Variants in RNF216 observed in about 807,000 individuals in gnomAD.
RNF216 encodes E3 ubiquitin-protein ligase RNF216.
Under a neutral mutation model 110.8 loss-of-function variants are expected in RNF216, and 72 were observed. The ratio of observed to expected loss-of-function variants is 0.65; its 90% CI spans 0.54 to 0.79. RNF216 has a LOEUF of 0.79. Among genes scored for constraint, RNF216 ranks in the 30% least tolerant of loss-of-function variants. RNF216 has a pLI of 0.00. For synonymous variants in RNF216, 495 were observed against 407.5 expected (o/e 1.21, Z -2.59); for missense variants, 1,342 against 1,141.2 (o/e 1.18, Z -2.54).
At chr7:5,715,230 T>G in intron 10 of RNF216, 40 bp from the exon 11 acceptor site, 1 of 1,586,914 alleles carries the variant, frequency 6.3e-7, no homozygotes, top group Non-Finnish European at 8.6e-7. Flanking sequence ...TGTCCTGCAC[T>G]TAAGGAGAGG....
At chr7:5,637,047 A>G (rs535733903) in intron 15 of RNF216, among the ~76,000 whole-genome samples, 1 of 152,312 alleles carries the variant, frequency 6.6e-6, no homozygotes, top group Admixed American at 6.5e-5. Flanking sequence ...CTTTGTCTCT[A>G]GAGATGAAAT....
intron 5 of RNF216, among the ~76,000 whole-genome samples, chr7:5,738,145 G>A (rs1424016830): frequency 6.8e-6 from 1 of 146,892 alleles, no homozygotes; most frequent in Non-Finnish European, 1.5e-5. Context: ...CTGCAGATTA[G>A]AAGGAGGGGA....
chr7:5,735,930 T>C (rs1448702460), intron 5 of RNF216, among the ~76,000 whole-genome samples: 3 of 152,062 alleles, frequency 2.0e-5, no homozygotes, highest in Non-Finnish European at 4.4e-5. Context: ...CTGTCTCTAC[T>C]AAAAACACAA....
chr7:5,623,527 T>C (rs56984603), intron 16 of RNF216, among the ~76,000 whole-genome samples: 2,336 of 151,990 alleles, frequency 0.015, 59 homozygotes, highest in African/African-American at 0.053. Context: ...CTCAAACTCC[T>C]GGGCTCAACT....
chr7:5,630,329 C>A (rs1786993841), intron 15 of RNF216, among the ~76,000 whole-genome samples: 1 of 152,140 alleles, frequency 6.6e-6, no homozygotes, highest in Non-Finnish European at 1.5e-5. Context: ...ACTACCTAAC[C>A]TGGAACCCAC....
chr7:5,728,194 T>C (rs1301920844), intron 7 of RNF216, among the ~76,000 whole-genome samples: 3 of 152,196 alleles, frequency 2.0e-5, no homozygotes, highest in African/African-American at 4.8e-5. Context: ...TGATTAAATG[T>C]CCCTTCCTCA....
intron 13 of RNF216, among the ~76,000 whole-genome samples, chr7:5,684,094 C>CTTTTTTTTT (rs10608511): frequency 4.9e-5 from 3 of 61,844 alleles, no homozygotes; most frequent in South Asian, 7.1e-4. Flanking sequence ...GCTGGGCCTT[C>CTTTTTTTTT]TTTTTTTTTT....
intron 13 of RNF216, among the ~76,000 whole-genome samples, chr7:5,683,047 T>C (rs1478524725): frequency 1.3e-5 from 2 of 152,144 alleles, no homozygotes; most frequent in African/African-American, 2.4e-5. Context: ...GAAAGTGCTA[T>C]GTCATGCTAA....
At chr7:5,730,655 A>G in intron 6 of RNF216, 60 bp downstream of exon 6, 1 of 1,599,192 alleles carries the variant, frequency 6.3e-7, no homozygotes. Flanking sequence ...CAACAACAAC[A>G]ACAACAACAA....
At chr7:5,768,765 C>G (rs988237908) in intron 1 of RNF216, among the ~76,000 whole-genome samples, 1 of 151,646 alleles carries the variant, frequency 6.6e-6, no homozygotes, top group Non-Finnish European at 1.5e-5. Context: ...GGGTTTACGC[C>G]ATTCTCCTGC....
rs116178103 is a variant in RNF216 at position 5,697,740 on chromosome 7, C to T, written c.2061+14021G>A. Among the ~76,000 whole-genome samples, 782 of 152,150 alleles carry T rather than the reference C, an allele frequency of 5.1e-3. 3 individuals are homozygous for T. The highest frequency in any genetic ancestry group is 0.017 in the African/African-American group (702 of 41,492). On this transcript the variant is annotated intron_variant, in intron 13 of 16. Transcript: ENST00000389902. Reference sequence around the variant, plus strand: ...GAGGTGCTTAGGATGCAAGGGTGCTCGCCTGGAGAAGACAGAAGCTAGGAG... The same window carrying T: ...GAGGTGCTTAGGATGCAAGGGTGCTTGCCTGGAGAAGACAGAAGCTAGGAG...
At chr7:5,752,380 G>A (rs1012656831) in intron 3 of RNF216, among the ~76,000 whole-genome samples, 2 of 152,088 alleles carry the variant, frequency 1.3e-5, no homozygotes, top group Admixed American at 6.6e-5. Flanking sequence ...GTTAGAAAGA[G>A]TAGTATCATA....
intron 1 of RNF216, among the ~76,000 whole-genome samples, chr7:5,770,578 G>A (rs1796443427): frequency 1.3e-5 from 2 of 152,028 alleles, no homozygotes; most frequent in African/African-American, 2.4e-5. Context: ...CTAAATTGAT[G>A]TGTAGATTTA....
Position 5,623,162 on chromosome 7 carries a change from T to G in RNF216, c.2470A>C (p.Ile824Leu). 1 of 1,569,752 alleles carries G rather than the reference T, an allele frequency of 6.4e-7. No homozygotes were observed. Among genetic ancestry groups the G allele is most frequent in the Non-Finnish European group, 8.7e-7 (1 of 1,152,148 alleles). Residue 824 changes from isoleucine (I) to leucine (L), a missense_variant, in exon 17 of 17, where the codon ATT becomes CTT. Coordinates refer to ENST00000389902, the MANE Select transcript of RNF216 (RefSeq NM_207111.4). ...ACAGGCTTCTCCAGCGGGGGTCCAATGCGTTTGAAGGTGTTCTCTGAAAGG... is the reference window on the plus strand; with the variant it reads ...ACAGGCTTCTCCAGCGGGGGTCCAAGGCGTTTGAAGGTGTTCTCTGAAAGG... ...RKNGENTFKR[I>L]GPPLEKPVEK...
intron 8 of RNF216, among the ~76,000 whole-genome samples, chr7:5,722,370 T>TG (rs1004790195): frequency 2.6e-3 from 9 of 3,420 alleles, no homozygotes; most frequent in South Asian, 0.025. Context: ...CATTCTCATG[T>TG]TTTTTTTTTT....
chr7:5,658,261 T>C (rs1040145042), intron 13 of RNF216, among the ~76,000 whole-genome samples: 9 of 152,208 alleles, frequency 5.9e-5, no homozygotes, highest in Non-Finnish European at 1.2e-4. Flanking sequence ...AAGCCAAGTA[T>C]CTGAACCTCA....
chr7:5,718,418 C>A (rs1385763836), intron 9 of RNF216, among the ~76,000 whole-genome samples: 3 of 152,160 alleles, frequency 2.0e-5, no homozygotes, highest in African/African-American at 7.2e-5. Flanking sequence ...AGGGACAGCA[C>A]AAAAGCTAGA....
chr7:5,638,015 C>G (rs997190918), intron 15 of RNF216, among the ~76,000 whole-genome samples: 1 of 152,164 alleles, frequency 6.6e-6, no homozygotes, highest in African/African-American at 2.4e-5. Context: ...AGTGGCTGCG[C>G]AGCAGCCCCC....
In RNF216 at chr7:5,656,762, G is replaced by A. The variant is rs143732539; in HGVS notation, c.2062-4252C>T. ...TTCCGTCTTCCTTTATTCATTTTCTGCTGCCTGAATAATGATTAATGAATA... is the reference window on the plus strand; with the variant it reads ...TTCCGTCTTCCTTTATTCATTTTCTACTGCCTGAATAATGATTAATGAATA... On this transcript the variant is annotated intron_variant, in intron 13 of 16. Coordinates refer to ENST00000389902, the MANE Select transcript of RNF216 (RefSeq NM_207111.4). Among the ~76,000 whole-genome samples the A allele has an allele frequency of 6.3e-4, 96 of 152,254 alleles. 1 individual carries two copies. In the East Asian group the frequency reaches 0.018, roughly 28 times the overall value.
Sources: allele counts gnomAD v4.1 joint callset (sites outside exome capture counted in the v4.1 genomes callset), GRCh38; gene constraint gnomAD v4.1.1; transcripts MANE v1.5; gene names NCBI Gene and HGNC (gene_info 2026-07-23, HGNC 2026-07-21).